The following PRTG variants were observed in gnomAD, a reference collection of about 807,000 sequenced individuals.
PRTG encodes protogenin, also known as immunoglobulin superfamily, DCC subclass, member 5.
Under a neutral mutation model 122.5 loss-of-function variants are expected in PRTG, and 67 were observed. That is an observed-to-expected ratio of 0.55 (90% confidence interval 0.45 to 0.67). The LOEUF (loss-of-function observed/expected upper bound fraction) is 0.67. Among genes scored for constraint, PRTG ranks in the 30% least tolerant of loss-of-function variants. The probability of loss-of-function intolerance (pLI) is 0.00; values close to 1 mark genes in which losing one functional copy is unlikely to be tolerated. For synonymous variants in PRTG, 554 were observed against 501.1 expected, an observed-to-expected ratio of 1.11 and a Z score of -1.41; for missense variants, 1,435 against 1,415.4, an observed-to-expected ratio of 1.01 and a Z score of -0.22.
Position 55,675,545 on chromosome 15 carries a change from T to C in PRTG, c.1520A>G (p.His507Arg), listed in dbSNP as rs750068400. Reference protein sequence around the residue: ...MPMGASQMSDHVTQNTLEDVP... With the variant: ...MPMGASQMSDRVTQNTLEDVP... ...ATCCTCTAGAGTATTCTGTGTCACA[T>C]GGTCAGACATCTGGCTGGCTCCCAT... Residue 507 changes from histidine (H) to arginine (R), a missense_variant, in exon 9 of 20, where the codon CAT (histidine) becomes CGT (arginine). Physicochemically the swap from His to Arg is conservative, Grantham distance 29. Transcript: ENST00000389286. 69 of 1,612,032 alleles carry C rather than the reference T, an allele frequency of 4.3e-5. No homozygotes were observed. Among genetic ancestry groups the C allele is most frequent in the Non-Finnish European group, 5.5e-5 (65 of 1,178,714 alleles).
At chr15:55,685,364 G>C (rs1595650141) in intron 2 of PRTG, among the ~76,000 whole-genome samples, 1 of 152,148 alleles carries the variant, frequency 6.6e-6, no homozygotes, top group Non-Finnish European at 1.5e-5. Context: ...CTTCCCAAAA[G>C]GGTGGAGTGG....
At chr15:55,705,534 G>C (rs947547406) in intron 2 of PRTG, among the ~76,000 whole-genome samples, 6 of 152,078 alleles carry the variant, frequency 3.9e-5, no homozygotes, top group African/African-American at 7.2e-5. Context: ...GCTCACTACA[G>C]CTTCCACTTC....
chr15:55,688,857 A>T (rs1165802209), intron 2 of PRTG, among the ~76,000 whole-genome samples: 1 of 152,128 alleles, frequency 6.6e-6, no homozygotes, highest in Non-Finnish European at 1.5e-5. Flanking sequence ...AACAAAACAA[A>T]GGCACTCCAA....
intron 19 of PRTG, 66 bp downstream of exon 19, chr15:55,620,597 C>A: frequency 1.3e-6 from 2 of 1,526,480 alleles, no homozygotes; most frequent in South Asian, 1.3e-5. Flanking sequence ...TCACATTTTC[C>A]TCTTTTTAAA....
intron 2 of PRTG, among the ~76,000 whole-genome samples, chr15:55,718,556 G>A (rs922150905): frequency 4.7e-5 from 7 of 148,638 alleles, no homozygotes; most frequent in Non-Finnish European, 7.4e-5. Context: ...ATCTCCCTTC[G>A]CTGACTCTTT....
intron 15 of PRTG, among the ~76,000 whole-genome samples, chr15:55,634,379 CT>C (rs2059244877): frequency 6.6e-6 from 1 of 152,064 alleles, no homozygotes; most frequent in Non-Finnish European, 1.5e-5. Context: ...TATACTGCTT[CT>C]TTTTAGGCAG....
chr15:55,636,945 C>A (rs1475524467), intron 15 of PRTG, among the ~76,000 whole-genome samples: 1 of 152,198 alleles, frequency 6.6e-6, no homozygotes, highest in Non-Finnish European at 1.5e-5. Context: ...CTGCGCCCGG[C>A]TATATCTCTT....
At chr15:55,732,640 A>T (rs2031275395) in intron 2 of PRTG, among the ~76,000 whole-genome samples, 1 of 151,312 alleles carries the variant, frequency 6.6e-6, no homozygotes, top group Non-Finnish European at 1.5e-5. Context: ...GATTAAAGGC[A>T]TGTGCCACCA....
intron 11 of PRTG, among the ~76,000 whole-genome samples, chr15:55,643,254 G>GA (rs1457424448): frequency 6.6e-6 from 1 of 151,968 alleles, no homozygotes; most frequent in African/African-American, 2.4e-5. Flanking sequence ...ACCACAAGAT[G>GA]AAAAATTTCT....
At chr15:55,623,544 C>A (rs2059178221) in intron 18 of PRTG, among the ~76,000 whole-genome samples, 1 of 152,004 alleles carries the variant, frequency 6.6e-6, no homozygotes, top group Admixed American at 6.6e-5. Context: ...CCAGCCTGGG[C>A]AACAAGACTG....
At position 55,624,510 on chromosome 15, in the gene PRTG, A is replaced by G. The variant is rs748636365; in HGVS notation, c.2928-3T>C. On this transcript the variant is annotated splice_polypyrimidine_tract_variant and splice_region_variant and intron_variant, in intron 17 of 19. Coordinates refer to ENST00000389286, the MANE Select transcript of PRTG (RefSeq NM_173814.6). ...CCGTCTTGGAAGCAGATGATTTCCTAAAACATTGGCAAGAAGAGGAAGTCT... is the reference window on the plus strand; with the variant it reads ...CCGTCTTGGAAGCAGATGATTTCCTGAAACATTGGCAAGAAGAGGAAGTCT... The G allele has an allele frequency of 1.9e-6, 3 of 1,607,822 alleles. No homozygotes were observed.
chr15:55,722,860 A>G (rs1214010553), intron 2 of PRTG, among the ~76,000 whole-genome samples: 1 of 152,216 alleles, frequency 6.6e-6, no homozygotes, highest in East Asian at 1.9e-4. Context: ...AAGAGCCTCC[A>G]GGAAGAAGTA....
chr15:55,682,583 A>C (rs1022767102), intron 3 of PRTG, 86 bp from the exon 4 acceptor site: 1 of 203,488 alleles, frequency 4.9e-6, no homozygotes, highest in Admixed American at 1.3e-4. Context: ...TTTATTTATG[A>C]GATGGAGTTT....
At chr15:55,710,153 G>A (rs1469065444) in intron 2 of PRTG, among the ~76,000 whole-genome samples, 1 of 151,878 alleles carries the variant, frequency 6.6e-6, no homozygotes, top group African/African-American at 2.4e-5. Flanking sequence ...CTCTATTACT[G>A]CAATATTTAT....
At chr15:55,705,319 C>G (rs2030058310) in intron 2 of PRTG, among the ~76,000 whole-genome samples, 1 of 152,156 alleles carries the variant, frequency 6.6e-6, no homozygotes, top group Admixed American at 6.5e-5. Context: ...GTCCTTTTCT[C>G]CAATTTTCTC....
At chr15:55,642,260 A>T (rs1482905554) in intron 11 of PRTG, among the ~76,000 whole-genome samples, 1 of 152,148 alleles carries the variant, frequency 6.6e-6, no homozygotes. Context: ...TTAATAATAA[A>T]AATACATTTA....
In PRTG at chr15:55,685,097, C is replaced by A. The variant is rs193131550; in HGVS notation, c.398-1166G>T. Among the ~76,000 whole-genome samples, 1,160 of 152,228 alleles carry A rather than the reference C, an allele frequency of 7.6e-3. 6 individuals are homozygous for A. Among genetic ancestry groups the A allele is most frequent in the Non-Finnish European group, 0.011 (748 of 67,998 alleles). ...CCACTACTATAGTCTTCCTCCTCCC[C>A]TCCCCAGATTCCAGTTCAAAGAAAA... On this transcript the variant is annotated intron_variant, in intron 2 of 19. Transcript: ENST00000389286.
intron 15 of PRTG, among the ~76,000 whole-genome samples, chr15:55,635,156 G>T (rs1047026525): frequency 6.6e-6 from 1 of 151,710 alleles, no homozygotes; most frequent in Non-Finnish European, 1.5e-5. Context: ...CTGTGGCACA[G>T]TCTCAGCTCA....
chr15:55,628,753 GA>G, intron 16 of PRTG, 68 bp downstream of exon 16: 1 of 1,266,708 alleles, frequency 7.9e-7, no homozygotes, highest in Non-Finnish European at 1.1e-6. Context: ...TGTAGGAGCA[GA>G]AATAATGTGT....
Sources: gnomAD v4.1 joint callset for allele counts (sites outside exome capture counted in the v4.1 genomes callset) on GRCh38, gnomAD v4.1.1 for gene constraint, MANE v1.5 for transcripts, NCBI Gene and HGNC (gene_info 2026-07-23, HGNC 2026-07-21) for gene names.